The following TRHDE variants were observed in gnomAD, a reference collection of about 807,000 sequenced individuals.
The protein encoded by TRHDE is thyrotropin-releasing hormone-degrading ectoenzyme.
A neutral mutation model predicts 125.7 loss-of-function variants in TRHDE; 72 were observed. The observed-to-expected ratio is 0.57, with a 90% CI of 0.47 to 0.70. The LOEUF (loss-of-function observed/expected upper bound fraction) is 0.70, where lower values mean the gene tolerates loss of function less well. TRHDE is among the 30% of genes least tolerant of loss of function. The pLI, the probability that TRHDE is intolerant of heterozygous loss-of-function variation, is 0.00. For synonymous variants in TRHDE, 509 were observed against 509.1 expected (o/e 1.00, Z 0.00); for missense variants, 1,110 against 1,327.1 (o/e 0.84, Z 2.54).
intron 2 of TRHDE, among the ~76,000 whole-genome samples, chr12:72,113,687 C>A (rs1240868998): frequency 6.6e-6 from 1 of 152,000 alleles, no homozygotes; most frequent in Non-Finnish European, 1.5e-5. Context: ...CTTAGACTCA[C>A]CCCTATTATT....
At chr12:72,187,722 G>A (rs951408459) in intron 2 of TRHDE, among the ~76,000 whole-genome samples, 5 of 152,146 alleles carry the variant, frequency 3.3e-5, no homozygotes, top group South Asian at 2.1e-4. Flanking sequence ...CCAAAATAAT[G>A]TTTTACCAGC....
intron 2 of TRHDE, among the ~76,000 whole-genome samples, chr12:72,361,206 A>C (rs1261557728): frequency 6.6e-6 from 1 of 151,744 alleles, no homozygotes; most frequent in Admixed American, 6.6e-5. Flanking sequence ...TGTGCCCTTC[A>C]CACCGTTTAG....
In TRHDE at chr12:72,667,185, A is replaced by G. The variant is rs2136121569; in HGVS notation, c.*3990A>G. On this transcript the variant is annotated 3_prime_UTR_variant, in exon 19 of 19. Transcript: ENST00000261180. ...AAAATCTACTGGCAATTAGAATTTT[A>G]AGGAATTCTTTTCTAAGAAGTTGGA... 6.6e-6 allele frequency: 1 copy of G among 152,092 alleles called. No homozygotes were observed. Among genetic ancestry groups the G allele is most frequent in the South Asian group, 2.1e-4 (1 of 4,828 alleles). 9.4% of individuals were successfully genotyped at this position (152,092 alleles called of 1,614,324 possible). A position where few individuals can be genotyped will look rare whatever the true frequency, so the allele number is the denominator to read the frequency against.
At chr12:72,366,018 G>T (rs879584517) in intron 2 of TRHDE, among the ~76,000 whole-genome samples, 1 of 151,888 alleles carries the variant, frequency 6.6e-6, no homozygotes. Context: ...TCACATTTCT[G>T]TCTGCTCCTG....
At chr12:72,571,644 C>T (rs902465704) in intron 10 of TRHDE, among the ~76,000 whole-genome samples, 9 of 152,036 alleles carry the variant, frequency 5.9e-5, no homozygotes, top group African/African-American at 2.2e-4. Context: ...AATGTAGTAG[C>T]TTGCATGTTG....
chr12:72,633,931 T>C (rs1565817304), intron 15 of TRHDE, among the ~76,000 whole-genome samples: 3 of 152,164 alleles, frequency 2.0e-5, no homozygotes, highest in South Asian at 2.1e-4. Flanking sequence ...TTGGGAAAGA[T>C]GGTTGTTATT....
intron 2 of TRHDE, among the ~76,000 whole-genome samples, chr12:72,364,633 T>C (rs1047126434): frequency 3.3e-5 from 5 of 151,998 alleles, no homozygotes; most frequent in African/African-American, 1.2e-4. Context: ...GACAGAGGGA[T>C]GCCAGCATTA....
chr12:72,472,971 G>A, intron 4 of TRHDE, 96 bp from the exon 5 acceptor site: 1 of 966,934 alleles, frequency 1.0e-6, no homozygotes. Context: ...ATGAATTCCA[G>A]TTATAATAAT....
intron 2 of TRHDE, among the ~76,000 whole-genome samples, chr12:72,188,560 C>T (rs895438422): frequency 1.3e-5 from 2 of 152,030 alleles, no homozygotes; most frequent in Admixed American, 6.6e-5. Context: ...AGAGAGTGGC[C>T]GGGTTTCAGC....
intron 2 of TRHDE, among the ~76,000 whole-genome samples, chr12:72,194,452 G>A (rs545018375): frequency 6.6e-6 from 1 of 152,026 alleles, no homozygotes; most frequent in Non-Finnish European, 1.5e-5. Flanking sequence ...GATTTGGGGG[G>A]TACATGTGGA....
chr12:72,163,984 A>G (rs58179094), intron 2 of TRHDE, among the ~76,000 whole-genome samples: 14,220 of 152,034 alleles, frequency 0.094, 1,104 homozygotes, highest in African/African-American at 0.21. Flanking sequence ...GGTGGCACAT[A>G]CCTGTAGTCC....
intron 13 of TRHDE, 57 bp downstream of exon 13, chr12:72,619,095 T>G: frequency 7.5e-7 from 1 of 1,327,432 alleles, no homozygotes; most frequent in South Asian, 1.8e-5. Flanking sequence ...TTTATTCTCT[T>G]TCTACTATTA....
intron 12 of TRHDE, among the ~76,000 whole-genome samples, chr12:72,581,662 C>T (rs1871232819): frequency 1.3e-5 from 2 of 152,196 alleles, no homozygotes; most frequent in East Asian, 1.9e-4. Context: ...AAAATCCAGT[C>T]GTTTACAAAT....
intron 2 of TRHDE, among the ~76,000 whole-genome samples, chr12:72,342,807 T>A (rs1301528876): frequency 6.6e-6 from 1 of 152,128 alleles, no homozygotes; most frequent in Non-Finnish European, 1.5e-5. Context: ...GCATTTTTTT[T>A]CCCTTTCATC....
chr12:72,098,983 G>A (rs764701307), intron 1 of TRHDE, among the ~76,000 whole-genome samples: 20 of 152,206 alleles, frequency 1.3e-4, no homozygotes, highest in Non-Finnish European at 2.8e-4. Context: ...TGGCCAACAT[G>A]GTGAAACTCT....
At chr12:72,435,539 T>C (rs1406816443) in intron 3 of TRHDE, among the ~76,000 whole-genome samples, 5 of 152,152 alleles carry the variant, frequency 3.3e-5, no homozygotes, top group Admixed American at 2.6e-4. Flanking sequence ...AATTTTATGA[T>C]GTTAATAACA....
chr12:72,511,360 A>G (rs1004371958), intron 6 of TRHDE, among the ~76,000 whole-genome samples: 1 of 152,166 alleles, frequency 6.6e-6, no homozygotes, highest in Non-Finnish European at 1.5e-5. Context: ...GAAAAGAACT[A>G]CTAGCTTCTT....
intron 2 of TRHDE, among the ~76,000 whole-genome samples, chr12:72,347,968 C>G (rs61926578): frequency 7.9e-5 from 12 of 151,790 alleles, no homozygotes; most frequent in African/African-American, 2.9e-4. Flanking sequence ...ACTGGGGGCC[C>G]GCTTAGAAAG....
chr12:72,540,561 C>T (rs934964009), intron 6 of TRHDE, among the ~76,000 whole-genome samples: 1 of 151,674 alleles, frequency 6.6e-6, no homozygotes, highest in African/African-American at 2.4e-5. Context: ...GAGTTGACTG[C>T]TTTAGATACT....
Sources: gnomAD v4.1 joint callset for allele counts (sites outside exome capture counted in the v4.1 genomes callset) on GRCh38, gnomAD v4.1.1 for gene constraint, MANE v1.5 for transcripts, NCBI Gene and HGNC (gene_info 2026-07-23, HGNC 2026-07-21) for gene names.